GPAT4: variants seen among roughly 807,000 people sequenced by gnomAD.
GPAT4 encodes glycerol-3-phosphate acyltransferase 4.
In GPAT4, 17 loss-of-function variants were observed where a neutral mutation model predicts 58.0. The observed-to-expected ratio is 0.29, with a 90% CI of 0.20 to 0.44. The LOEUF (loss-of-function observed/expected upper bound fraction) is 0.44, where lower values mean the gene tolerates loss of function less well. Among genes scored for constraint, GPAT4 ranks in the 20% least tolerant of loss-of-function variants. The pLI is 1.00. For synonymous variants in GPAT4, 204 were observed against 210.1 expected (o/e 0.97, Z 0.25); for missense variants, 377 against 574.5 (o/e 0.66, Z 3.51).
rs151090055 is a variant in GPAT4, at chr8:41,618,306, C to T, written c.1054-378C>T. Among the ~76,000 whole-genome samples the T allele has an allele frequency of 2.5e-3, 381 of 152,208 alleles. 1 individual carries two copies. Among genetic ancestry groups the T allele is most frequent in the African/African-American group, 7.0e-3 (291 of 41,550 alleles). On this transcript the variant is annotated intron_variant, in intron 10 of 12. Transcript: ENST00000396987. ...AGGTGGAGCAAGTGGGAAACGTTGG[C>T]GGTGGTTGAATCAGGGAATGGGTAC...
chr8:41,582,694 T>TGG (rs1554500416), intron 1 of GPAT4, among the ~76,000 whole-genome samples: 6 of 145,072 alleles, frequency 4.1e-5, no homozygotes, highest in African/African-American at 1.5e-4. Context: ...TGTGTGTGTG[T>TGG]GGGTGTATCT....
At position 41,622,175 on chromosome 8, in the gene GPAT4, A is replaced by G. The variant is rs62509855; in HGVS notation, c.*1174A>G. 21,176 of 132,492 alleles carry G rather than the reference A, an allele frequency of 0.16. 1,593 individuals are homozygous for G. The highest frequency in any genetic ancestry group is 0.27 in the Middle Eastern group (60 of 226). 8.2% of individuals were successfully genotyped at this position (132,492 alleles called of 1,614,324 possible). On this transcript the variant is annotated 3_prime_UTR_variant, in exon 13 of 13. Transcript: ENST00000396987. ...TGTGCGGGTCGCTGATGTGAGGCCT[A>G]GGGGAAGCAATGAGTAAACTCCAGG...
intron 12 of GPAT4, among the ~76,000 whole-genome samples, chr8:41,620,227 T>C (rs924591672): frequency 3.3e-5 from 5 of 152,132 alleles, no homozygotes; most frequent in Admixed American, 3.3e-4. Context: ...AATTCTAGAG[T>C]GTAGGCACGG....
Position 41,624,800 on chromosome 8 carries a change from G to C in GPAT4, c.*3799G>C, listed in dbSNP as rs1428344760. The C allele has an allele frequency of 1.3e-5, 2 of 152,106 alleles. No individual in the cohort carries two copies. Among genetic ancestry groups the C allele is most frequent in the Non-Finnish European group, 2.9e-5 (2 of 68,024 alleles). The allele number at this position is 152,106 out of a possible 1,614,324, so 9.4% of individuals were successfully genotyped here. On this transcript the variant is annotated 3_prime_UTR_variant, in exon 13 of 13. Transcript: ENST00000396987. ...AAGGGGGAACTTTTCATTGCGCCAG[G>C]GGTGGCACCTGGCGTGTGTTGCGGG...
intron 7 of GPAT4, among the ~76,000 whole-genome samples, chr8:41,612,574 A>G (rs1469546431): frequency 2.6e-5 from 4 of 152,206 alleles, no homozygotes; most frequent in Admixed American, 2.6e-4. Flanking sequence ...AGTTTTACAC[A>G]GGGAATTGCG....
chr8:41,610,303 T>G, intron 4 of GPAT4: 1 of 1,221,014 alleles, frequency 8.2e-7, no homozygotes, highest in Non-Finnish European at 1.0e-6. Context: ...GTATTGATCT[T>G]TCAGCTTCTC....
At chr8:41,610,517 C>A in intron 4 of GPAT4, 2 of 1,408,760 alleles carry the variant, frequency 1.4e-6, no homozygotes, top group South Asian at 1.4e-5. Flanking sequence ...GAGATGCAGG[C>A]AGCTGAGAGC....
chr8:41,590,640 G>A (rs1338584558), intron 1 of GPAT4, among the ~76,000 whole-genome samples: 7 of 152,206 alleles, frequency 4.6e-5, no homozygotes, highest in African/African-American at 1.7e-4. Context: ...TGGGCATGTT[G>A]TAAGCACTCA....
intron 1 of GPAT4, among the ~76,000 whole-genome samples, chr8:41,593,354 A>G (rs941638279): frequency 5.3e-5 from 8 of 152,220 alleles, no homozygotes; most frequent in Admixed American, 2.0e-4. Context: ...GTTCCAGCAC[A>G]TTTATAATAA....
intron 1 of GPAT4, among the ~76,000 whole-genome samples, chr8:41,596,259 A>G (rs989776209): frequency 6.6e-6 from 1 of 150,764 alleles, no homozygotes; most frequent in Non-Finnish European, 1.5e-5. Context: ...CTCACCCCAC[A>G]CACACACCAC....
chr8:41,604,393 C>T (rs964524575), intron 2 of GPAT4, among the ~76,000 whole-genome samples: 4 of 152,150 alleles, frequency 2.6e-5, no homozygotes, highest in Non-Finnish European at 5.9e-5. Context: ...TTTTCTGTTC[C>T]CTTTCCTGGA....
chr8:41,609,552 G>A, intron 3 of GPAT4, 67 bp downstream of exon 3: 1 of 1,602,604 alleles, frequency 6.2e-7, no homozygotes, highest in Admixed American at 1.7e-5. Flanking sequence ...TGCTTCTGGT[G>A]CCACACACGC....
Position 41,623,111 on chromosome 8 carries a change from G to A in GPAT4, c.*2110G>A, listed in dbSNP as rs577795813. On this transcript the variant is annotated 3_prime_UTR_variant, in exon 13 of 13. Transcript: ENST00000396987. ...GCCGGCAGGTGTGGCCGCACCTGGT[G>A]TGAAGTCACGTGGAGTCAGTGCTGT... is the stretch of plus-strand genomic sequence containing the variant. 6.6e-6 allele frequency: 1 copy of A among 152,262 alleles called. No individual in the cohort carries two copies. Among genetic ancestry groups the A allele is most frequent in the Non-Finnish European group, 1.5e-5 (1 of 68,048 alleles). The allele number at this position is 152,262 out of a possible 1,614,324, so 9.4% of individuals were successfully genotyped here.
At chr8:41,582,949 G>A (rs1482530921) in intron 1 of GPAT4, among the ~76,000 whole-genome samples, 1 of 152,052 alleles carries the variant, frequency 6.6e-6, no homozygotes, top group East Asian at 1.9e-4. Context: ...TTGGCCTGAC[G>A]TGGTGGCTCA....
At chr8:41,618,367 A>G (rs1435546502) in intron 10 of GPAT4, among the ~76,000 whole-genome samples, 2 of 152,136 alleles carry the variant, frequency 1.3e-5, no homozygotes, top group African/African-American at 4.8e-5. Flanking sequence ...CTGGTTTTGG[A>G]GATGTTTGAA....
chr8:41,604,692 A>T (rs551241273), intron 2 of GPAT4, among the ~76,000 whole-genome samples: 1 of 152,306 alleles, frequency 6.6e-6, no homozygotes, highest in Admixed American at 6.5e-5. Flanking sequence ...AGAAGATGAG[A>T]CAGCTATGAT....
chr8:41,596,421 T>TAC, intron 1 of GPAT4, among the ~76,000 whole-genome samples: 1 of 152,336 alleles, frequency 6.6e-6, no homozygotes, highest in East Asian at 1.9e-4. Context: ...AAAGCCAAAG[T>TAC]ACCCGTACAG....
intron 12 of GPAT4, among the ~76,000 whole-genome samples, chr8:41,620,517 T>C (rs569954095): frequency 2.6e-5 from 4 of 152,360 alleles, no homozygotes; most frequent in South Asian, 2.1e-4. Flanking sequence ...ACAGATACGT[T>C]ATGAGTCGAT....
chr8:41,594,859 A>T (rs1802884874), intron 1 of GPAT4, among the ~76,000 whole-genome samples: 1 of 151,764 alleles, frequency 6.6e-6, no homozygotes, highest in African/African-American at 2.4e-5. Context: ...CTTTTTTTTT[A>T]AACGACCAGT....
Sources: allele counts gnomAD v4.1 joint callset (sites outside exome capture counted in the v4.1 genomes callset), GRCh38; gene constraint gnomAD v4.1.1; transcripts MANE v1.5; gene names NCBI Gene and HGNC (gene_info 2026-07-23, HGNC 2026-07-21).